Variants in KCNAB1 observed in about 807,000 individuals in gnomAD.
KCNAB1 encodes the protein voltage-gated potassium channel subunit beta-1.
In KCNAB1, 35 loss-of-function variants were observed where a neutral mutation model predicts 64.6. The ratio of observed to expected loss-of-function variants is 0.54; its 90% CI spans 0.41 to 0.72. The LOEUF (loss-of-function observed/expected upper bound fraction) is 0.72, where lower values mean the gene tolerates loss of function less well. KCNAB1 is among the 30% of genes least tolerant of loss of function. KCNAB1 has a pLI of 0.00. For synonymous variants in KCNAB1, 177 were observed against 183.8 expected, an observed-to-expected ratio of 0.96 and a Z score of 0.30; for missense variants, 401 against 512.9, an observed-to-expected ratio of 0.78 and a Z score of 2.11.
At chr3:156,145,835 T>C (rs1715005246) in intron 1 of KCNAB1, among the ~76,000 whole-genome samples, 1 of 151,968 alleles carries the variant, frequency 6.6e-6, no homozygotes, top group Non-Finnish European at 1.5e-5. Context: ...TGTCCATCAG[T>C]CTAAGTGGGG....
At chr3:156,492,499 C>T (rs1427926804) in intron 8 of KCNAB1, among the ~76,000 whole-genome samples, 1 of 151,976 alleles carries the variant, frequency 6.6e-6, no homozygotes, top group Middle Eastern at 3.2e-3. Flanking sequence ...CAGAGAAGTA[C>T]CCAGCCAATC....
intron 1 of KCNAB1, among the ~76,000 whole-genome samples, chr3:156,186,769 C>A (rs1269981638): frequency 6.6e-6 from 1 of 152,038 alleles, no homozygotes; most frequent in Non-Finnish European, 1.5e-5. Flanking sequence ...CCTTGCTCTC[C>A]TTGTTCTTTG....
intron 1 of KCNAB1, among the ~76,000 whole-genome samples, chr3:156,189,314 G>A (rs1308573185): frequency 6.6e-6 from 1 of 152,188 alleles, no homozygotes; most frequent in Non-Finnish European, 1.5e-5. Context: ...TGCCTGCCTA[G>A]TCCAGGGAGC....
intron 1 of KCNAB1, among the ~76,000 whole-genome samples, chr3:156,126,543 T>G (rs1192115065): frequency 6.6e-6 from 1 of 152,180 alleles, no homozygotes; most frequent in East Asian, 1.9e-4. Flanking sequence ...ATGCAGGTAT[T>G]AGCTTTGGCA....
At chr3:156,147,199 G>T (rs988347646) in intron 1 of KCNAB1, among the ~76,000 whole-genome samples, 1 of 152,108 alleles carries the variant, frequency 6.6e-6, no homozygotes, top group African/African-American at 2.4e-5. Flanking sequence ...GAGGGAAACT[G>T]AGCCCTTTAC....
chr3:156,333,569 GCACA>G (rs140343721), intron 1 of KCNAB1, among the ~76,000 whole-genome samples: 1 of 150,854 alleles, frequency 6.6e-6, no homozygotes, highest in Non-Finnish European at 1.5e-5. Flanking sequence ...GTTCTTTTCT[GCACA>G]CACACACAAT....
Position 156,334,649 on chromosome 3 carries a change from G to A in KCNAB1, c.276-86967G>A, listed in dbSNP as rs1236548634. The stretch of plus-strand genomic sequence containing the variant: ...AGCATCTAAAAGCTGCCCAATAAAT[G>A]TGCATTTAATCCTTAATTTTCCTTT... On this transcript the variant is annotated intron_variant, in intron 1 of 13. Transcript: ENST00000490337. 2.6e-5 allele frequency among the ~76,000 whole-genome samples: 4 copies of A among 152,164 alleles called. No individual in the cohort carries two copies. In the East Asian group the frequency reaches 5.8e-4, roughly 22 times the overall value.
chr3:156,191,298 G>A (rs1713545194), intron 1 of KCNAB1, among the ~76,000 whole-genome samples: 1 of 152,184 alleles, frequency 6.6e-6, no homozygotes, highest in African/African-American at 2.4e-5. Context: ...CCTGTCACTA[G>A]GGAACCTACT....
intron 1 of KCNAB1, among the ~76,000 whole-genome samples, chr3:156,140,207 T>A (rs1389507803): frequency 4.6e-5 from 7 of 152,212 alleles, no homozygotes; most frequent in Non-Finnish European, 7.3e-5. Flanking sequence ...ATTCTTCATT[T>A]TTATTGCATT....
chr3:156,519,620 T>C (rs755465706), intron 11 of KCNAB1, among the ~76,000 whole-genome samples: 1 of 152,216 alleles, frequency 6.6e-6, no homozygotes, highest in African/African-American at 2.4e-5. Context: ...GGGGACTCTA[T>C]TGGTTCACAA....
At chr3:156,420,220 A>T (rs1715378039) in intron 1 of KCNAB1, among the ~76,000 whole-genome samples, 1 of 152,232 alleles carries the variant, frequency 6.6e-6, no homozygotes, top group South Asian at 2.1e-4. Context: ...CTGGCCCTAC[A>T]AACAGTGATG....
chr3:156,251,622 T>C (rs1717833219), intron 1 of KCNAB1, among the ~76,000 whole-genome samples: 1 of 152,120 alleles, frequency 6.6e-6, no homozygotes, highest in Non-Finnish European at 1.5e-5. Flanking sequence ...AGGAGGGGTA[T>C]CCTTTTTCTT....
chr3:156,466,177 C>T (rs901778648), intron 7 of KCNAB1, among the ~76,000 whole-genome samples: 1 of 152,082 alleles, frequency 6.6e-6, no homozygotes, highest in African/African-American at 2.4e-5. Context: ...CATAAATCTA[C>T]TTTTTATCTC....
intron 8 of KCNAB1, among the ~76,000 whole-genome samples, chr3:156,510,041 C>A (rs573390369): frequency 6.6e-6 from 1 of 152,324 alleles, no homozygotes; most frequent in Admixed American, 6.5e-5. Flanking sequence ...AAAACTGCAG[C>A]CTCTTGGTTC....
intron 1 of KCNAB1, among the ~76,000 whole-genome samples, chr3:156,347,412 C>T (rs1383542873): frequency 6.6e-6 from 1 of 152,194 alleles, no homozygotes; most frequent in African/African-American, 2.4e-5. Context: ...GAGCTTGAGT[C>T]CTCTGAAGAC....
intron 2 of KCNAB1, among the ~76,000 whole-genome samples, chr3:156,439,537 AC>A: frequency 6.6e-6 from 1 of 152,324 alleles, no homozygotes; most frequent in Non-Finnish European, 1.5e-5. Flanking sequence ...TCTCCATCTC[AC>A]TTTGACACTA....
chr3:156,254,383 G>C (rs897346479), intron 1 of KCNAB1, among the ~76,000 whole-genome samples: 3 of 152,136 alleles, frequency 2.0e-5, no homozygotes, highest in African/African-American at 7.2e-5. Context: ...CAAACACTCT[G>C]TCTCTCACAG....
At chr3:156,323,160 G>A (rs1213450073) in intron 1 of KCNAB1, among the ~76,000 whole-genome samples, 1 of 151,904 alleles carries the variant, frequency 6.6e-6, no homozygotes, top group Admixed American at 6.6e-5. Flanking sequence ...TTAAGATTGG[G>A]GGCTCACCTA....
intron 1 of KCNAB1, among the ~76,000 whole-genome samples, chr3:156,340,120 C>T (rs1428040920): frequency 6.6e-6 from 1 of 152,112 alleles, no homozygotes; most frequent in Admixed American, 6.5e-5. Flanking sequence ...TCTGAGGGAT[C>T]CACAGAGAAT....
Sources: gnomAD v4.1 joint callset for allele counts (sites outside exome capture counted in the v4.1 genomes callset) on GRCh38, gnomAD v4.1.1 for gene constraint, MANE v1.5 for transcripts, NCBI Gene and HGNC (gene_info 2026-07-23, HGNC 2026-07-21) for gene names.